Variants in OCIAD1 observed in about 807,000 individuals in gnomAD.
OCIAD1 encodes the protein OCIA domain-containing protein 1.
OCIAD1 carries 29 observed loss-of-function variants against 38.9 expected under a neutral mutation model. The observed-to-expected ratio is 0.74, with a 90% CI of 0.55 to 1.02. The LOEUF is 1.02. OCIAD1 is among the 50% of genes least tolerant of loss of function. The pLI is 0.00. For missense variants in OCIAD1, 288 were observed against 289.6 expected, an observed-to-expected ratio of 0.99 and a Z score of 0.04; for synonymous variants, 110 against 92.0, an observed-to-expected ratio of 1.20 and a Z score of -1.12.
At chr4:48,837,210 T>G (rs965607855) in intron 3 of OCIAD1, 7 of 151,536 alleles carry the variant, frequency 4.6e-5, no homozygotes, top group Non-Finnish European at 8.8e-5. Context: ...CCTGACCTTG[T>G]GATCCACCTG....
chr4:48,857,340 G>T lies in OCIAD1; in HGVS notation c.675G>T (p.Met225Ile). The change falls in exon 8 of 9, where the codon ATG becomes ATT. Residue 225 changes from methionine to isoleucine, a missense_variant. Coordinates refer to ENST00000264312, the MANE Select transcript of OCIAD1 (RefSeq NM_017830.4). ...TQKTDPSVRP[M>I]HERVPKKEVK... ...AGACTGACCCCTCAGTCAGGCCTAT[G>T]CATGAAAGAGTGCCAAAAAAAGAAG... 6.4e-7 allele frequency: 1 copy of T among 1,567,068 alleles called. No individual in the cohort carries two copies. Among genetic ancestry groups the T allele is most frequent in the Admixed American group, 1.9e-5 (1 of 52,068 alleles).
chr4:48,844,556 C>T (rs1039527273), intron 4 of OCIAD1, among the ~76,000 whole-genome samples: 4 of 152,012 alleles, frequency 2.6e-5, no homozygotes, highest in African/African-American at 9.7e-5. Context: ...GCGGAGGCTG[C>T]AGTGAGCTGA....
At chr4:48,823,699 G>C (rs1401479308) in intron 1 of OCIAD1, among the ~76,000 whole-genome samples, 1 of 150,878 alleles carries the variant, frequency 6.6e-6, no homozygotes, top group Non-Finnish European at 1.5e-5. Context: ...GTCTTGTTCT[G>C]TTGCCCAGGC....
chr4:48,852,914 C>T (rs1779659132), intron 7 of OCIAD1, among the ~76,000 whole-genome samples: 1 of 102,438 alleles, frequency 9.8e-6, no homozygotes, highest in Non-Finnish European at 1.8e-5. Flanking sequence ...TGGAGTCTTG[C>T]TCTGTCGCCC....
chr4:48,813,305 C>A (rs1777109240), intron 1 of OCIAD1, among the ~76,000 whole-genome samples: 1 of 152,158 alleles, frequency 6.6e-6, no homozygotes, highest in South Asian at 2.1e-4. Context: ...GTGGGCAAAA[C>A]AGGTAAACAA....
At chr4:48,808,988 G>A (rs1777059223) in intron 1 of OCIAD1, among the ~76,000 whole-genome samples, 1 of 152,196 alleles carries the variant, frequency 6.6e-6, no homozygotes, top group East Asian at 1.9e-4. Context: ...TTGATTATAT[G>A]TTTTTATGAT....
intron 8 of OCIAD1, among the ~76,000 whole-genome samples, chr4:48,858,783 G>A (rs1025845784): frequency 2.6e-5 from 4 of 152,198 alleles, no homozygotes; most frequent in African/African-American, 9.7e-5. Context: ...ATTTGAAAGA[G>A]TTATATGCCA....
At position 48,860,809 on chromosome 4, in the gene OCIAD1, C is replaced by G; in HGVS notation, c.*47C>G. On this transcript the variant is annotated 3_prime_UTR_variant, in exon 9 of 9. Transcript: ENST00000264312. ...AAGGAGTTTCAACATCCAGCTTCATCTAGGTGGTCATGATTACCTGCATGC... is the reference window on the plus strand; with the variant it reads ...AAGGAGTTTCAACATCCAGCTTCATGTAGGTGGTCATGATTACCTGCATGC... The G allele has an allele frequency of 7.1e-7, 1 of 1,402,722 alleles. No individual in the cohort carries two copies. Among genetic ancestry groups the G allele is most frequent in the South Asian group, 1.2e-5 (1 of 85,696 alleles). 86.9% of individuals were successfully genotyped at this position (1,402,722 alleles called of 1,614,324 possible). A position where few individuals can be genotyped will look rare whatever the true frequency, so the allele number is the denominator to read the frequency against.
At chr4:48,843,655 T>C (rs1168089437) in intron 4 of OCIAD1, among the ~76,000 whole-genome samples, 1 of 152,196 alleles carries the variant, frequency 6.6e-6, no homozygotes, top group Non-Finnish European at 1.5e-5. Flanking sequence ...TATGCACTTA[T>C]ATGTCCTTAA....
intron 5 of OCIAD1, 51 bp downstream of exon 5, chr4:48,848,497 AATT>A: frequency 2.3e-6 from 2 of 875,008 alleles, no homozygotes; most frequent in Non-Finnish European, 3.6e-6. Flanking sequence ...ACTTAAATAA[AATT>A]ATTTTTATCA....
chr4:48,818,375 C>T (rs1777161616), intron 1 of OCIAD1, among the ~76,000 whole-genome samples: 1 of 152,140 alleles, frequency 6.6e-6, no homozygotes, highest in African/African-American at 2.4e-5. Context: ...GCCACAACAT[C>T]AACATCAGCA....
At chr4:48,842,888 A>G (rs745549812) in intron 4 of OCIAD1, among the ~76,000 whole-genome samples, 199 bp downstream of exon 4, 2 of 152,228 alleles carry the variant, frequency 1.3e-5, no homozygotes, top group Non-Finnish European at 2.9e-5. Flanking sequence ...CTCCTGCACT[A>G]ATAGCATCAT....
chr4:48,818,846 G>A (rs1202285381), intron 1 of OCIAD1, among the ~76,000 whole-genome samples: 5 of 151,994 alleles, frequency 3.3e-5, no homozygotes, highest in South Asian at 2.1e-4. Flanking sequence ...TCAACTTAAC[G>A]GAATAAGGGA....
chr4:48,814,949 TG>T (rs1161247070), intron 1 of OCIAD1, among the ~76,000 whole-genome samples: 1 of 152,196 alleles, frequency 6.6e-6, no homozygotes, highest in East Asian at 1.9e-4. Flanking sequence ...GAACAAAATA[TG>T]CCTCAAAATA....
rs764908759 is a variant in OCIAD1, at chr4:48,842,627, T to C, written c.140-9T>C. 4 of 1,559,028 alleles carry C rather than the reference T, an allele frequency of 2.6e-6. No individual in the cohort carries two copies. In the Admixed American group the frequency reaches 6.1e-5, roughly 24 times the overall value. ...TGTTGATGTTAACAAGGTCTTTTTC[T>C]TCCTATAGCTGTGCCTTTGGCTGCA... On this transcript the variant is annotated splice_polypyrimidine_tract_variant and intron_variant, in intron 3 of 8. Transcript: ENST00000264312.
At chr4:48,842,607 A>G in intron 3 of OCIAD1, 29 bp from the exon 4 acceptor site, 2 of 1,488,052 alleles carry the variant, frequency 1.3e-6, no homozygotes, top group Non-Finnish European at 1.8e-6. Context: ...ACTTTTGTTG[A>G]TGTTAACAAG....
intron 1 of OCIAD1, among the ~76,000 whole-genome samples, chr4:48,818,507 G>A (rs1777162524): frequency 6.6e-6 from 1 of 152,124 alleles, no homozygotes; most frequent in Admixed American, 6.6e-5. Context: ...AAAACCAGAA[G>A]GCCTATTCTC....
intron 4 of OCIAD1, among the ~76,000 whole-genome samples, chr4:48,847,592 A>G (rs1579088281): frequency 6.6e-6 from 1 of 152,218 alleles, no homozygotes; most frequent in African/African-American, 2.4e-5. Context: ...ATGTAGGATC[A>G]AGGTACATTT....
intron 6 of OCIAD1, among the ~76,000 whole-genome samples, chr4:48,850,786 G>T (rs191735245): frequency 6.6e-6 from 1 of 152,090 alleles, no homozygotes; most frequent in Non-Finnish European, 1.5e-5. Context: ...TGTTTACCAG[G>T]CTGGTCTCAA....
Sources: allele counts gnomAD v4.1 joint callset (sites outside exome capture counted in the v4.1 genomes callset), GRCh38; gene constraint gnomAD v4.1.1; transcripts MANE v1.5; gene names NCBI Gene and HGNC (gene_info 2026-07-23, HGNC 2026-07-21).